The following SCMH1 variants were observed in gnomAD, a reference collection of about 807,000 sequenced individuals.
SCMH1 encodes polycomb protein SCMH1.
A neutral mutation model predicts 70.8 loss-of-function variants in SCMH1; 37 were observed. The ratio of observed to expected loss-of-function variants is 0.52; its 90% CI spans 0.40 to 0.69. SCMH1 has a LOEUF of 0.69. SCMH1 is among the 30% of genes least tolerant of loss of function. SCMH1 has a pLI of 0.00. For missense variants in SCMH1, 607 were observed against 827.3 expected (o/e 0.73, Z 3.27); for synonymous variants, 292 against 307.4 (o/e 0.95, Z 0.52).
At chr1:41,033,845 T>C in intron 13 of SCMH1, 138 bp downstream of exon 14, 1 of 1,250,956 alleles carries the variant, frequency 8.0e-7, no homozygotes, top group Non-Finnish European at 1.1e-6. Context: ...TCATGGTGGG[T>C]TTCCAAGGAA....
chr1:41,060,910 T>C (rs2148807033), intron 10 of SCMH1, among the ~76,000 whole-genome samples: 1 of 152,298 alleles, frequency 6.6e-6, no homozygotes, highest in South Asian at 2.1e-4. Flanking sequence ...TGGCGACTCC[T>C]AAGCTCAAGT....
At chr1:41,145,054 C>G (rs1644428568) in intron 5 of SCMH1, among the ~76,000 whole-genome samples, 1 of 151,948 alleles carries the variant, frequency 6.6e-6, no homozygotes, top group South Asian at 2.1e-4. Flanking sequence ...TTTCACTTTC[C>G]TGATGGTGTG....
chr1:41,070,480 A>C (rs947029005), intron 10 of SCMH1, 115 bp downstream of exon 10: 120 of 1,344,200 alleles, frequency 8.9e-5, no homozygotes, highest in Non-Finnish European at 1.2e-4. Flanking sequence ...ATTTTTTAAA[A>C]ATATTTTACC....
Position 41,049,216 on chromosome 1 carries a change from AT to A in SCMH1, c.1106-327del, listed in dbSNP as rs1462060956. 2.0e-5 allele frequency among the ~76,000 whole-genome samples: 3 copies of A among 152,070 alleles called. No individual in the cohort carries two copies. The South Asian group carries it at 6.2e-4, about 32-fold the overall frequency. ...CAATTCCCCTCTTGTACGTACTTCC[AT>A]TTTTTTGTACTTGGTTGCCTCACAT... On this transcript the variant is annotated intron_variant, in intron 10 of 14. Transcript: ENST00000337495.
intron 2 of SCMH1, among the ~76,000 whole-genome samples, chr1:41,167,963 T>C (rs550803228): frequency 2.2e-4 from 33 of 151,200 alleles, no homozygotes; most frequent in African/African-American, 7.8e-4. Flanking sequence ...TCCTACTCTC[T>C]TCTGATCTGT....
chr1:41,090,062 G>A (rs112041001), intron 8 of SCMH1, among the ~76,000 whole-genome samples: 11,856 of 151,948 alleles, frequency 0.078, 593 homozygotes, highest in South Asian at 0.12. Flanking sequence ...AAAGTGCTGG[G>A]ATTACAGGTG....
chr1:41,114,685 T>TCTC (rs1316867347), intron 7 of SCMH1, among the ~76,000 whole-genome samples: 1 of 73,014 alleles, frequency 1.4e-5, no homozygotes, highest in African/African-American at 7.0e-5. Context: ...CTCTCTCTCT[T>TCTC]TCTTTTTTGG....
chr1:41,044,317 A>C (rs1163537021), intron 12 of SCMH1, among the ~76,000 whole-genome samples: 2 of 152,264 alleles, frequency 1.3e-5, no homozygotes, highest in East Asian at 3.9e-4. Flanking sequence ...CCAGATCCAA[A>C]GGGCAAAGCA....
At chr1:41,156,892 C>T (rs368789400) in intron 4 of SCMH1, among the ~76,000 whole-genome samples, 2 of 151,328 alleles carry the variant, frequency 1.3e-5, no homozygotes, top group South Asian at 4.2e-4. Context: ...TTGCAAACTC[C>T]TAGGCTTGTC....
exon 15 of SCMH1, chr1:41,027,623 TC>T (rs1257689373): frequency 1.3e-5 from 2 of 152,702 alleles, no homozygotes; most frequent in South Asian, 4.1e-4. Flanking sequence ...GCCACGCCTA[TC>T]TGCAGAGGGC....
chr1:41,186,048 A>T, intron 2 of SCMH1, 73 bp downstream of exon 2: 3 of 1,500,228 alleles, frequency 2.0e-6, no homozygotes, highest in Non-Finnish European at 2.7e-6. Flanking sequence ...ATTCGTGAGG[A>T]ATTCCTTAAA....
rs530514178 is a variant in SCMH1 at position 41,056,089 on chromosome 1, T to A, written c.1106-7199A>T. Among the ~76,000 whole-genome samples, 9 of 152,346 alleles carry A rather than the reference T, an allele frequency of 5.9e-5. No individual in the cohort carries two copies. The South Asian group carries it at 1.7e-3, about 28-fold the overall frequency. ...TCTTGAATCTAGGCTCTGTGACTGA[T>A]TGATCAATAGAATATGGTGGCAATG... is the stretch of plus-strand genomic sequence containing the variant. On this transcript the variant is annotated intron_variant, in intron 10 of 14. Transcript: ENST00000337495.
chr1:41,240,754 T>C lies in SCMH1; in HGVS notation c.-118+1305A>G, dbSNP rs927295260. On this transcript the variant is annotated intron_variant, in intron 1 of 14. Transcript: ENST00000337495. ...ACACTACTAAATGTTTTCTTTTTTT[T>C]TTTTTTTTAAGTTCAAAATACAGTA... Among the ~76,000 whole-genome samples, 5 of 152,126 alleles carry C rather than the reference T, an allele frequency of 3.3e-5. No homozygotes were observed. The South Asian group carries it at 1.0e-3, about 32-fold the overall frequency.
intron 1 of SCMH1, among the ~76,000 whole-genome samples, chr1:41,239,906 A>G (rs915741105): frequency 6.6e-6 from 1 of 152,190 alleles, no homozygotes; most frequent in Non-Finnish European, 1.5e-5. Flanking sequence ...AAGTGCTGGG[A>G]TTATAGGCAT....
At chr1:41,034,113 G>A (rs901953062) in intron 13 of SCMH1, 65 bp from the exon 14 acceptor site, 7 of 1,553,904 alleles carry the variant, frequency 4.5e-6, no homozygotes, top group African/African-American at 2.7e-5. Flanking sequence ...CTGCATATGA[G>A]GAAGACCTGA....
chr1:41,185,525 T>G (rs1649944889), intron 2 of SCMH1, among the ~76,000 whole-genome samples: 1 of 152,202 alleles, frequency 6.6e-6, no homozygotes, highest in Non-Finnish European at 1.5e-5. Context: ...TACAAAACTT[T>G]AAACTACATA....
chr1:41,129,419 C>T (rs961409508), intron 6 of SCMH1, among the ~76,000 whole-genome samples: 16 of 152,126 alleles, frequency 1.1e-4, no homozygotes, highest in Non-Finnish European at 1.8e-4. Context: ...CATTTGACTT[C>T]TCTAGATGTC....
At chr1:41,130,898 G>A (rs1411959669) in intron 6 of SCMH1, among the ~76,000 whole-genome samples, 1 of 152,110 alleles carries the variant, frequency 6.6e-6, no homozygotes, top group Non-Finnish European at 1.5e-5. Flanking sequence ...ACTTCTTGAT[G>A]ATGAAGCTTT....
At chr1:41,091,769 C>T (rs908271733) in intron 8 of SCMH1, among the ~76,000 whole-genome samples, 22 of 152,160 alleles carry the variant, frequency 1.4e-4, no homozygotes, top group Non-Finnish European at 2.9e-4. Flanking sequence ...CTCCCAATCA[C>T]AATTGCTTCA....
Sources: gnomAD v4.1 joint callset for allele counts (sites outside exome capture counted in the v4.1 genomes callset) on GRCh38, gnomAD v4.1.1 for gene constraint, MANE v1.5 for transcripts, NCBI Gene and HGNC (gene_info 2026-07-23, HGNC 2026-07-21) for gene names.